The following LTN1 variants were observed in gnomAD, a reference collection of about 807,000 sequenced individuals.
The protein encoded by LTN1 is listerin E3 ubiquitin protein ligase 1.
In LTN1, 88 loss-of-function variants were observed where a neutral mutation model predicts 201.2. The observed-to-expected ratio is 0.44, with a 90% CI of 0.37 to 0.52. The LOEUF is 0.52. Ranked by LOEUF, LTN1 falls within the 20% of genes least tolerant of loss-of-function variation. The pLI is 0.00. For missense variants in LTN1, 1,752 were observed against 2,038.7 expected (o/e 0.86, Z 2.71); for synonymous variants, 645 against 713.5 (o/e 0.90, Z 1.53).
chr21:28,942,568 T>C (rs1884905457), intron 24 of LTN1, among the ~76,000 whole-genome samples: 1 of 152,142 alleles, frequency 6.6e-6, no homozygotes, highest in Admixed American at 6.5e-5. Flanking sequence ...ATATTATCAA[T>C]AAAACTATAC....
At chr21:28,955,485 A>G (rs1188453308) in intron 16 of LTN1, among the ~76,000 whole-genome samples, 1 of 152,172 alleles carries the variant, frequency 6.6e-6, no homozygotes, top group African/African-American at 2.4e-5. Context: ...GAAAACCAGT[A>G]TATCAAAGGT....
intron 1 of LTN1, among the ~76,000 whole-genome samples, chr21:28,987,805 C>T (rs2084709709): frequency 6.6e-6 from 1 of 152,214 alleles, no homozygotes; most frequent in South Asian, 2.1e-4. Flanking sequence ...TTTCTTATTT[C>T]TCTATAAGGA....
At chr21:28,970,830 G>A in intron 7 of LTN1, 88 bp from the exon 8 acceptor site, 2 of 983,280 alleles carry the variant, frequency 2.0e-6, no homozygotes, top group East Asian at 2.8e-5. Context: ...CTCTCAAAAA[G>A]AAAAACCAAG....
chr21:28,960,039 G>A (rs1332861854), intron 12 of LTN1, among the ~76,000 whole-genome samples: 1 of 151,796 alleles, frequency 6.6e-6, no homozygotes, highest in African/African-American at 2.4e-5. Context: ...ATGGTATGAA[G>A]ATTAATAAAC....
At chr21:28,992,722 C>G in intron 1 of LTN1, 42 bp downstream of exon 1, 2 of 1,611,732 alleles carry the variant, frequency 1.2e-6, no homozygotes, top group Middle Eastern at 1.7e-4. Context: ...CCAGCCGCCT[C>G]GAAGCGAGGC....
chr21:28,946,653 T>C (rs890908480), intron 19 of LTN1, among the ~76,000 whole-genome samples: 1 of 152,192 alleles, frequency 6.6e-6, no homozygotes, highest in African/African-American at 2.4e-5. Context: ...AAACAGCAAA[T>C]GGAAAATAGA....
At chr21:28,943,536 G>T (rs1231320007) in intron 23 of LTN1, 131 bp downstream of exon 23, 2 of 732,232 alleles carry the variant, frequency 2.7e-6, no homozygotes, top group African/African-American at 1.8e-5. Flanking sequence ...GCAACTTAGG[G>T]TCCCTATAAG....
intron 6 of LTN1, among the ~76,000 whole-genome samples, chr21:28,975,577 C>T (rs923519403): frequency 3.3e-5 from 5 of 152,088 alleles, no homozygotes; most frequent in African/African-American, 1.2e-4. Context: ...ATAGATAATA[C>T]ATAAAACTAT....
chr21:28,959,352 C>G lies in LTN1; in HGVS notation c.2593+106G>C, dbSNP rs539997316. On this transcript the variant is annotated intron_variant, in intron 13 of 29. Transcript: ENST00000361371. ...AGCCCTTTACTCAAAATGCTTTAAA[C>G]TTTCAAACACATTATAATTCAATTA... 136 of 1,387,502 alleles carry G rather than the reference C, an allele frequency of 9.8e-5. 1 individual carries two copies. In the South Asian group the frequency reaches 1.9e-3, roughly 19 times the overall value. The allele number at this position is 1,387,502 out of a possible 1,614,324, so 85.9% of individuals were successfully genotyped here. A position where few individuals can be genotyped will look rare whatever the true frequency, so the allele number is the denominator to read the frequency against.
rs2084337467 is a variant in LTN1, at chr21:28,946,275, T to C, written c.3500A>G (p.His1167Arg). ...DLCSTNGGFGHLAIFNSCLQT... is the reference protein window; with the variant it reads ...DLCSTNGGFGRLAIFNSCLQT... ...CAGACAAGAATTGAAAATGGCAAGATGTCCAAAACCTCCTAAAGTAAAATT... is the reference window on the plus strand; with the variant it reads ...CAGACAAGAATTGAAAATGGCAAGACGTCCAAAACCTCCTAAAGTAAAATT... The change falls in exon 20 of 30, where the codon CAT (histidine) becomes CGT (arginine). Residue 1167 changes from histidine to arginine, a missense_variant. By Grantham distance (29) the His-to-Arg change is conservative (BLOSUM62 0). This residue lies in a region of LTN1 where 1,211 missense variants were observed against 1,312.8 expected (regional missense o/e 0.92). Transcript: ENST00000361371. The C allele has an allele frequency of 1.3e-6, 2 of 1,570,388 alleles. No homozygotes were observed. The highest frequency in any genetic ancestry group is 1.7e-6 in the Non-Finnish European group (2 of 1,165,166).
At chr21:28,982,268 A>C (rs763450310) in intron 5 of LTN1, 48 bp downstream of exon 5, 1 of 1,452,014 alleles carries the variant, frequency 6.9e-7, no homozygotes, top group Non-Finnish European at 9.7e-7. Context: ...ATTACTTATG[A>C]GTGAAACAAA....
At chr21:28,965,788 T>A in intron 11 of LTN1, 77 bp downstream of exon 11, 1 of 795,670 alleles carries the variant, frequency 1.3e-6, no homozygotes, top group Non-Finnish European at 2.0e-6. Context: ...ATATTTATTG[T>A]GTAAATAGGA....
rs369131368 is a variant in LTN1, at chr21:28,969,528, G to A, written c.1249C>T (p.Arg417Cys). Reference sequence around the variant, plus strand: ...CCTAAGTTTTGCTGCATTATAAAACGTAAGCATTCAAAAAAAGCAGATATT... The same window carrying A: ...CCTAAGTTTTGCTGCATTATAAAACATAAGCATTCAAAAAAAGCAGATATT... ...AVISAFFECL[R>C]FIMQQNLGEE... Residue 417 changes from arginine (R) to cysteine (C), a missense_variant, in exon 9 of 30, where the codon CGT (arginine) becomes TGT (cysteine). By Grantham distance (180) the Arg-to-Cys change is radical (BLOSUM62 -3). This residue lies in a region of LTN1 where 1,211 missense variants were observed against 1,312.8 expected (regional missense o/e 0.92). Coordinates refer to ENST00000361371, the MANE Select transcript of LTN1 (RefSeq NM_015565.3). The A allele has an allele frequency of 1.1e-5, 18 of 1,611,802 alleles. No homozygotes were observed. Among genetic ancestry groups the A allele is most frequent in the African/African-American group, 6.7e-5 (5 of 74,782 alleles).
At chr21:28,959,336 C>A in intron 13 of LTN1, 122 bp downstream of exon 13, 1 of 1,214,406 alleles carries the variant, frequency 8.2e-7, no homozygotes, top group South Asian at 1.6e-5. Flanking sequence ...TAGCCCTTTA[C>A]TCAAAATGCT....
intron 3 of LTN1, among the ~76,000 whole-genome samples, chr21:28,985,670 T>C (rs1488548751): frequency 1.3e-5 from 2 of 151,674 alleles, no homozygotes; most frequent in African/African-American, 4.8e-5. Context: ...TTTTTTTTTT[T>C]TTTTTTAAAG....
chr21:28,942,142 A>G (rs193189524), intron 24 of LTN1, among the ~76,000 whole-genome samples: 1 of 152,232 alleles, frequency 6.6e-6, no homozygotes, highest in East Asian at 1.9e-4. Flanking sequence ...CTCCCAGCCC[A>G]CAAGTACAGG....
At chr21:28,989,007 G>A (rs1292040565) in intron 1 of LTN1, among the ~76,000 whole-genome samples, 2 of 151,208 alleles carry the variant, frequency 1.3e-5, no homozygotes, top group Admixed American at 6.6e-5. Flanking sequence ...CTACTCCATA[G>A]GCAAAGCAGC....
chr21:28,936,779 T>C (rs2084260418), intron 25 of LTN1, 82 bp from the exon 26 acceptor site: 1 of 1,043,286 alleles, frequency 9.6e-7, no homozygotes, highest in Non-Finnish European at 1.4e-6. Flanking sequence ...GTGTAACAAA[T>C]TTCCTTTCCT....
In LTN1 at chr21:28,991,094, G is replaced by A. The variant is rs1259056044; in HGVS notation, c.42+1670C>T. 2.0e-5 allele frequency among the ~76,000 whole-genome samples: 3 copies of A among 150,212 alleles called. No homozygotes were observed. In the East Asian group the frequency reaches 5.9e-4, roughly 29 times the overall value. On this transcript the variant is annotated intron_variant, in intron 1 of 29. Transcript: ENST00000361371. ...GGAGATTGCAGTGAGCCAAGTTCAC[G>A]CCTCTGCACTCCAGCCTGGGTAACA...
Sources: allele counts gnomAD v4.1 joint callset (sites outside exome capture counted in the v4.1 genomes callset), GRCh38; gene constraint gnomAD v4.1.1; regional missense constraint gnomAD v4.1.1; transcripts MANE v1.5; gene names NCBI Gene and HGNC (gene_info 2026-07-23, HGNC 2026-07-21).